ANK1: variants seen among roughly 807,000 people sequenced by gnomAD.
ANK1 encodes the protein ankyrin-1.
In ANK1, 51 loss-of-function variants were observed where a neutral mutation model predicts 210.4. The observed-to-expected ratio is 0.24, with a 90% CI of 0.19 to 0.31. ANK1 has a LOEUF of 0.31. ANK1 is among the 10% of genes least tolerant of loss of function. The probability of loss-of-function intolerance (pLI) is 1.00; values close to 1 mark genes in which losing one functional copy is unlikely to be tolerated. For missense variants in ANK1, 2,051 were observed against 2,504.4 expected, an observed-to-expected ratio of 0.82 and a Z score of 3.86; for synonymous variants, 967 against 1,025.9, an observed-to-expected ratio of 0.94 and a Z score of 1.10.
At chr8:41,778,695 T>C (rs1844637564) in intron 1 of ANK1, among the ~76,000 whole-genome samples, 1 of 152,258 alleles carries the variant, frequency 6.6e-6, no homozygotes, top group South Asian at 2.1e-4. Flanking sequence ...CTAACGATCG[T>C]ATAGCCTTTA....
intron 1 of ANK1, among the ~76,000 whole-genome samples, chr8:41,860,404 G>C (rs1261601118): frequency 6.6e-6 from 1 of 152,200 alleles, no homozygotes; most frequent in Admixed American, 6.5e-5. Flanking sequence ...ATGCGGAGCA[G>C]TCAAACAGTC....
chr8:41,782,143 C>T (rs2150748726), intron 1 of ANK1, among the ~76,000 whole-genome samples: 1 of 152,322 alleles, frequency 6.6e-6, no homozygotes, highest in East Asian at 1.9e-4. Context: ...CTCACTTGGG[C>T]CCGGGGCCCT....
At position 41,701,647 on chromosome 8, in the gene ANK1, T is replaced by C. The variant is rs190574585; in HGVS notation, c.2389-25A>G. 2.2e-5 allele frequency: 35 copies of C among 1,611,390 alleles called. No homozygotes were observed. The Admixed American group carries it at 5.8e-4, about 27-fold the overall frequency. On this transcript the variant is annotated intron_variant, in intron 21 of 42. Coordinates refer to ENST00000289734, the MANE Select transcript of ANK1 (RefSeq NM_000037.4). ...ACTAAAACGAGAAAAAGCAGATAAT[T>C]CAACCCAAACTAGAGCCGCACACAT... is the stretch of plus-strand genomic sequence containing the variant.
chr8:41,729,171 G>T (rs1311414080), intron 3 of ANK1, among the ~76,000 whole-genome samples: 1 of 152,106 alleles, frequency 6.6e-6, no homozygotes. Flanking sequence ...GTAATAAATG[G>T]AATACAATCT....
intron 39 of ANK1, chr8:41,664,948 T>G: frequency 6.2e-7 from 1 of 1,614,232 alleles, no homozygotes; most frequent in African/African-American, 1.3e-5. Flanking sequence ...ACAATGTGCA[T>G]CACGTTCTGA....
chr8:41,886,800 G>A (rs77127270), intron 1 of ANK1, among the ~76,000 whole-genome samples: 3,732 of 152,260 alleles, frequency 0.025, 100 homozygotes, highest in South Asian at 0.086. Context: ...TAACCAGCCT[G>A]GACTTCATTC....
chr8:41,784,468 TA>T (rs1845959632), intron 1 of ANK1, among the ~76,000 whole-genome samples: 1 of 152,242 alleles, frequency 6.6e-6, no homozygotes, highest in Non-Finnish European at 1.5e-5. Context: ...ATAAGATCTG[TA>T]ATACAATTCA....
rs140085544 is a variant in ANK1 at position 41,716,970 on chromosome 8, C to T, written c.1387G>A (p.Val463Ile). Reference sequence around the variant, plus strand: ...CTACTCACCTTGGCCTTGGCATTGACTTTGGCTTTGTTCTGGAGTAAATAT... The same window carrying T: ...CTACTCACCTTGGCCTTGGCATTGATTTTGGCTTTGTTCTGGAGTAAATAT... The part of the protein sequence containing the change: ...AKYLLQNKAK[V>I]NAKAKDDQTP... Residue 463 changes from valine to isoleucine, a missense_variant, in exon 13 of 43, where the codon GTC (valine) becomes ATC (isoleucine). Around this residue, in one of 6 missense-constraint regions of ANK1, gnomAD observed 1,413 missense variants for 1,707.4 expected, o/e 0.83. Transcript: ENST00000289734. The T allele has an allele frequency of 7.3e-4, 1,183 of 1,614,188 alleles. 2 individuals carry two copies. The highest frequency in any genetic ancestry group is 8.3e-4 in the Non-Finnish European group (984 of 1,180,040).
intron 1 of ANK1, among the ~76,000 whole-genome samples, chr8:41,827,272 G>C (rs1805544941): frequency 6.6e-6 from 1 of 152,208 alleles, no homozygotes; most frequent in African/African-American, 2.4e-5. Flanking sequence ...TGTAAGAAAA[G>C]TACAGGACTC....
In ANK1 at chr8:41,724,492, G is replaced by A. The variant is rs146507999; in HGVS notation, c.675C>T (p.Leu225=). The A allele has an allele frequency of 3.1e-4, 503 of 1,599,130 alleles. 2 individuals carry two copies. The East Asian group carries it at 4.6e-3, about 15-fold the overall frequency. Reference sequence around the variant, plus strand: ...AATTGACGCTGGCTCCTCTGTTGAGGAGCAACTGGGCCACGTTGAGGTTCT... The same window carrying A: ...AATTGACGCTGGCTCCTCTGTTGAGAAGCAACTGGGCCACGTTGAGGTTCT... ...HYENLNVAQL[L]LNRGASVNFT... The change falls in exon 7 of 43, where the codon CTC becomes CTT. Residue 225 remains leucine (L), a synonymous_variant. Coordinates refer to ENST00000289734, the MANE Select transcript of ANK1 (RefSeq NM_000037.4).
chr8:41,872,602 G>A (rs1256175387), intron 1 of ANK1, among the ~76,000 whole-genome samples: 4 of 152,248 alleles, frequency 2.6e-5, no homozygotes, highest in South Asian at 2.1e-4. Flanking sequence ...TGGGGAGCGC[G>A]TCCAGCCGCA....
chr8:41,688,459 C>T, intron 34 of ANK1, 52 bp downstream of exon 34: 1 of 1,589,250 alleles, frequency 6.3e-7, no homozygotes, highest in Non-Finnish European at 8.6e-7. Context: ...TGAGCTCACG[C>T]CCACCCTTCT....
chr8:41,873,815 T>C (rs918354181), intron 1 of ANK1, among the ~76,000 whole-genome samples: 1 of 152,222 alleles, frequency 6.6e-6, no homozygotes, highest in African/African-American at 2.4e-5. Flanking sequence ...CTGAGCACCT[T>C]GTGCCTTTGT....
intron 12 of ANK1, 53 bp downstream of exon 12, chr8:41,717,551 C>T (rs1828037243): frequency 1.4e-6 from 2 of 1,471,448 alleles, no homozygotes; most frequent in East Asian, 2.5e-5. Flanking sequence ...GTGAAAGCTG[C>T]CCTCTGAGCT....
intron 1 of ANK1, among the ~76,000 whole-genome samples, chr8:41,792,574 C>T (rs1586981417): frequency 6.6e-6 from 1 of 152,304 alleles, no homozygotes; most frequent in East Asian, 1.9e-4. Flanking sequence ...GAGGAAGTGA[C>T]TCAAAGATGA....
intron 1 of ANK1, among the ~76,000 whole-genome samples, chr8:41,813,300 G>T (rs1802778245): frequency 6.6e-6 from 1 of 152,186 alleles, no homozygotes; most frequent in South Asian, 2.1e-4. Context: ...TTCTGGAAAA[G>T]GACAGCTTTT....
chr8:41,831,950 G>A (rs930011911), intron 1 of ANK1, among the ~76,000 whole-genome samples: 4 of 152,170 alleles, frequency 2.6e-5, no homozygotes, highest in Admixed American at 6.5e-5. Flanking sequence ...TCCCATTTAG[G>A]AGACAATTGG....
chr8:41,814,499 G>A (rs2150785281), intron 1 of ANK1, among the ~76,000 whole-genome samples: 1 of 152,220 alleles, frequency 6.6e-6, no homozygotes, highest in Non-Finnish European at 1.5e-5. Context: ...CAGTCTGGTG[G>A]TATGATCATA....
At chr8:41,701,972 C>T in intron 21 of ANK1, 80 bp downstream of exon 21, 1 of 1,456,760 alleles carries the variant, frequency 6.9e-7, no homozygotes, top group Non-Finnish European at 9.6e-7. Context: ...GAACGCACCC[C>T]ACTTCCAGAG....
Sources: allele counts gnomAD v4.1 joint callset (sites outside exome capture counted in the v4.1 genomes callset), GRCh38; gene constraint gnomAD v4.1.1; regional missense constraint gnomAD v4.1.1; transcripts MANE v1.5; gene names NCBI Gene and HGNC (gene_info 2026-07-23, HGNC 2026-07-21).